The following C3orf52 variants were observed in gnomAD, a reference collection of about 807,000 sequenced individuals.
C3orf52 encodes the protein TPA-induced transmembrane protein.
A neutral mutation model predicts 24.8 loss-of-function variants in C3orf52; 22 were observed. That is an observed-to-expected ratio of 0.89 (90% confidence interval 0.63 to 1.27). The LOEUF (loss-of-function observed/expected upper bound fraction) is 1.27. C3orf52 is among the 50% of genes most tolerant of loss of function. The probability of loss-of-function intolerance (pLI) is 0.00; values close to 1 mark genes in which losing one functional copy is unlikely to be tolerated. For synonymous variants in C3orf52, 93 were observed against 100.2 expected, an observed-to-expected ratio of 0.93 and a Z score of 0.43; for missense variants, 265 against 260.7, an observed-to-expected ratio of 1.02 and a Z score of -0.11.
At chr3:112,090,181 G>A (rs374760879) in intron 1 of C3orf52, among the ~76,000 whole-genome samples, 24 of 151,924 alleles carry the variant, frequency 1.6e-4, no homozygotes, top group Non-Finnish European at 2.9e-4. Context: ...ATCTCCGGGC[G>A]TTACTTCTAA....
chr3:112,087,481 C>T (rs929531906), intron 1 of C3orf52, among the ~76,000 whole-genome samples: 2 of 152,200 alleles, frequency 1.3e-5, no homozygotes, highest in Non-Finnish European at 2.9e-5. Context: ...CATATAGAGC[C>T]CCGACCTGAT....
At chr3:112,119,414 T>C (rs117960376), downstream of C3orf52, 1,317 of 701,276 alleles carry the variant, frequency 1.9e-3, 15 homozygotes, top group East Asian at 0.027. Context: ...ACAGTAGGGT[T>C]GCGGGTGGTC....
Position 112,116,905 on chromosome 3 carries a change from G to T in C3orf52, c.*259G>T. The T allele has an allele frequency of 6.5e-7, 1 of 1,537,210 alleles. No homozygotes were observed. Among genetic ancestry groups the T allele is most frequent in the Non-Finnish European group, 8.7e-7 (1 of 1,146,860 alleles). ...CTAGGGTGGGGGCGATAGGGTCAGC[G>T]GGTATGTCCCACTGTTGGAGGTCAC... On this transcript the variant is annotated 3_prime_UTR_variant, in exon 6 of 6. Coordinates refer to ENST00000264848, the MANE Select transcript of C3orf52 (RefSeq NM_024616.3).
chr3:112,130,390 TACTTC>T, downstream of C3orf52: 1 of 1,415,858 alleles, frequency 7.1e-7, no homozygotes, highest in Non-Finnish European at 1.0e-6. Context: ...GGGCTTGACA[TACTTC>T]GTTCTCCTTG....
rs373442818 is a variant in C3orf52 at position 112,109,570 on chromosome 3, T to C, written c.424T>C (p.Ser142Pro). 93 of 1,602,756 alleles carry C rather than the reference T, an allele frequency of 5.8e-5. No homozygotes were observed. Among genetic ancestry groups the C allele is most frequent in the Non-Finnish European group, 7.9e-5 (92 of 1,170,404 alleles). ...RLTDVYSTSP[S>P]LGRYFTSVEI... is the part of the protein sequence containing the mutation. ...CACAGATGTGTACAGTACATCGCCC[T>C]CTCTGGGTCGTTATTTTACTTCAGT... The change falls in exon 4 of 6, where the codon TCT becomes CCT. Residue 142 changes from serine to proline, a missense_variant. Coordinates refer to ENST00000264848, the MANE Select transcript of C3orf52 (RefSeq NM_024616.3).
At chr3:112,114,116 C>G (rs891460279) in intron 5 of C3orf52, among the ~76,000 whole-genome samples, 2 of 152,110 alleles carry the variant, frequency 1.3e-5, no homozygotes, top group Non-Finnish European at 2.9e-5. Context: ...AAGCATGGAA[C>G]AGGGGGTTAA....
chr3:112,089,092 G>A (rs550876112), intron 1 of C3orf52, among the ~76,000 whole-genome samples: 60 of 152,276 alleles, frequency 3.9e-4, no homozygotes, highest in African/African-American at 1.3e-3. Flanking sequence ...TAAATTATGG[G>A]TAATAGAGTG....
chr3:112,133,029 C>T, downstream of C3orf52: 3 of 1,540,246 alleles, frequency 1.9e-6, no homozygotes, highest in Non-Finnish European at 8.9e-7. Flanking sequence ...CTTTCTTTTT[C>T]TCTTCCTTGC....
intron 2 of C3orf52, among the ~76,000 whole-genome samples, chr3:112,100,332 C>A (rs1193431857): frequency 6.6e-6 from 1 of 152,202 alleles, no homozygotes; most frequent in African/African-American, 2.4e-5. Context: ...CTTCAACATA[C>A]AACACATGTT....
chr3:112,107,882 G>A (rs2074041532), intron 3 of C3orf52, among the ~76,000 whole-genome samples: 2 of 152,240 alleles, frequency 1.3e-5, no homozygotes, highest in Non-Finnish European at 2.9e-5. Context: ...TATTGTGGAA[G>A]TGCAGCGTCC....
intron 2 of C3orf52, among the ~76,000 whole-genome samples, chr3:112,097,105 A>G (rs559824981): frequency 1.3e-5 from 2 of 152,258 alleles, no homozygotes; most frequent in South Asian, 4.2e-4. Context: ...AGGAATTATA[A>G]ATTTCTTGAT....
At position 112,093,484 on chromosome 3, in the gene C3orf52, C is replaced by T; in HGVS notation, c.263C>T (p.Ala88Val). The T allele has an allele frequency of 1.2e-6, 2 of 1,612,772 alleles. No homozygotes were observed. The highest frequency in any genetic ancestry group is 1.7e-6 in the Non-Finnish European group (2 of 1,179,286). The change falls in exon 2 of 6, where the codon GCT becomes GTT. Residue 88 changes from alanine (A) to valine (V), a missense_variant. Transcript: ENST00000264848. ...GTGATCATCATAGGCTTATGTCTTGCTGCAGGTAAGAGGATTTAGATGTGA... is the reference window on the plus strand; with the variant it reads ...GTGATCATCATAGGCTTATGTCTTGTTGCAGGTAAGAGGATTTAGATGTGA... Reference protein sequence around the residue: ...ITVIIIGLCLAAVTYVDEDEN... With the variant: ...ITVIIIGLCLVAVTYVDEDEN...
Position 112,090,537 on chromosome 3 carries a change from G to GATAGC in C3orf52, c.139-2822_139-2818dup, listed in dbSNP as rs542846859. Among the ~76,000 whole-genome samples, 741 of 152,156 alleles carry GATAGC rather than the reference G, an allele frequency of 4.9e-3. 16 individuals carry two copies. Among genetic ancestry groups the GATAGC allele is most frequent in the Middle Eastern group, 3.4e-3 (1 of 294 alleles). On this transcript the variant is annotated intron_variant, in intron 1 of 5. Coordinates refer to ENST00000264848, the MANE Select transcript of C3orf52 (RefSeq NM_024616.3). The stretch of plus-strand genomic sequence containing the variant: ...GTCTGTGAATATTAATCATGTAAGG[G>GATAGC]ATAGCGCTCAGCGGTCTTCCTCTTA...
intron 3 of C3orf52, 24 bp downstream of exon 3, chr3:112,102,989 T>C (rs1199348977): frequency 6.2e-7 from 1 of 1,608,112 alleles, no homozygotes; most frequent in South Asian, 1.1e-5. Context: ...ATATATTGCC[T>C]AAGGAGTTCT....
At chr3:112,130,757 TC>T (rs1437601189), downstream of C3orf52, 1 of 528,974 alleles carries the variant, frequency 1.9e-6, no homozygotes, top group Admixed American at 3.1e-5. Flanking sequence ...GAACAAGTGA[TC>T]CTAAATCATC....
chr3:112,106,097 G>A (rs75974426), intron 3 of C3orf52, among the ~76,000 whole-genome samples: 11,979 of 152,158 alleles, frequency 0.079, 698 homozygotes, highest in African/African-American at 0.16. Flanking sequence ...ACTCTCCCTT[G>A]TAAATGTGTT....
At chr3:112,123,680 T>C (rs568536010) in intron 4 of C3orf52, 1 of 1,614,200 alleles carries the variant, frequency 6.2e-7, no homozygotes, top group South Asian at 1.1e-5. Context: ...CATAGTACTC[T>C]TCAGCAGAGT....
At chr3:112,128,310 T>A in exon 5 of C3orf52, 1 of 650,516 alleles carries the variant, frequency 1.5e-6, no homozygotes, top group Non-Finnish European at 2.8e-6. Context: ...AAATGTTTCC[T>A]CACTCTCAAT....
downstream of C3orf52, chr3:112,120,694 G>T (rs1306510816): frequency 2.0e-5 from 3 of 152,210 alleles, no homozygotes; most frequent in South Asian, 4.2e-4. Flanking sequence ...TTCACTGAGG[G>T]GTTGCATCCC....
Sources: gnomAD v4.1 joint callset for allele counts (sites outside exome capture counted in the v4.1 genomes callset) on GRCh38, gnomAD v4.1.1 for gene constraint, MANE v1.5 for transcripts, NCBI Gene and HGNC (gene_info 2026-07-23, HGNC 2026-07-21) for gene names.